SLC2A7: variants seen among roughly 807,000 people sequenced by gnomAD.
SLC2A7 encodes solute carrier family 2, facilitated glucose transporter member 7.
SLC2A7 carries 50 observed loss-of-function variants against 50.5 expected under a neutral mutation model. The ratio of observed to expected loss-of-function variants is 0.99; its 90% CI spans 0.79 to 1.25. The LOEUF (loss-of-function observed/expected upper bound fraction) is 1.25. Ranked by LOEUF, SLC2A7 falls within the 50% of genes most tolerant of loss-of-function variation. SLC2A7 has a pLI of 0.00. For synonymous variants in SLC2A7, 308 were observed against 300.4 expected (o/e 1.03, Z -0.26); for missense variants, 683 against 679.1 (o/e 1.01, Z -0.06).
the SLC2A7 span, among the ~76,000 whole-genome samples, chr1:8,994,927 C>T: frequency 4.0e-5 from 6 of 151,826 alleles, no homozygotes; most frequent in African/African-American, 7.2e-5. Flanking sequence ...CTCAACACCA[C>T]GCCCAGCTAT....
chr1:9,025,146 C>A, intron 1 of SLC2A7, 72 bp from the exon 2 acceptor site: 1 of 1,475,006 alleles, frequency 6.8e-7, no homozygotes, highest in South Asian at 1.2e-5. Context: ...TGGGCCTCCA[C>A]CTCCCTCCAG....
chr1:8,995,080 GATT>G, the SLC2A7 span, among the ~76,000 whole-genome samples: 34,129 of 150,720 alleles, frequency 0.23, 4,296 homozygotes, highest in African/African-American at 0.35. Flanking sequence ...CAGATCTCCT[GATT>G]ATTTTCAAGG....
intron 8 of SLC2A7, among the ~76,000 whole-genome samples, chr1:9,010,989 T>A (rs1209553607): frequency 6.6e-6 from 1 of 152,258 alleles, no homozygotes; most frequent in Non-Finnish European, 1.5e-5. Flanking sequence ...ACCCCAGGTC[T>A]TCCTTTGCTG....
Position 9,004,331 on chromosome 1 carries a change from TA to T in SLC2A7, c.1320+420del, listed in dbSNP as rs761127530. 3.8e-3 allele frequency among the ~76,000 whole-genome samples: 449 copies of T among 119,732 alleles called. 1 individual carries two copies. The highest frequency in any genetic ancestry group is 7.9e-3 in the Middle Eastern group (2 of 254). The allele number at this position is 119,732 out of a possible 152,430, so 78.5% of individuals were successfully genotyped here. ...CTGGGTGACAGAGCAAGGCCCTGTC[TA>T]AAAAAAAAAAAAAAAGACTGCTTAA... On this transcript the variant is annotated intron_variant, in intron 11 of 11. Coordinates refer to ENST00000400906, the MANE Select transcript of SLC2A7 (RefSeq NM_207420.3).
At chr1:9,014,580 C>T in intron 7 of SLC2A7, 101 bp downstream of exon 7, 1 of 1,410,316 alleles carries the variant, frequency 7.1e-7, no homozygotes, top group Non-Finnish European at 9.6e-7. Flanking sequence ...GATCCTGGCC[C>T]CACTGCCAGG....
chr1:9,007,512 C>A (rs957391067), intron 9 of SLC2A7, 127 bp from the exon 10 acceptor site: 14 of 800,004 alleles, frequency 1.7e-5, no homozygotes, highest in African/African-American at 5.2e-5. Flanking sequence ...CCTCCATGGA[C>A]CTTGAGGGCT....
chr1:9,001,705 AC>A (rs1640577568), downstream of SLC2A7, among the ~76,000 whole-genome samples: 2 of 152,132 alleles, frequency 1.3e-5, no homozygotes, highest in African/African-American at 2.4e-5. Context: ...GGTGTGAGTC[AC>A]CACGCCCGGC....
At chr1:9,023,208 C>T (rs534772194) in intron 2 of SLC2A7, 130 bp from the exon 3 acceptor site, 2 of 820,060 alleles carry the variant, frequency 2.4e-6, no homozygotes, top group Middle Eastern at 2.5e-4. Flanking sequence ...CACAGTTAAA[C>T]CCACTGATTC....
chr1:8,999,154 C>CT (rs1487552597), downstream of SLC2A7, among the ~76,000 whole-genome samples: 2 of 151,978 alleles, frequency 1.3e-5, no homozygotes, highest in Non-Finnish European at 2.9e-5. Context: ...TTATCTATTT[C>CT]TTTTTTGTTT....
At position 9,025,012 on chromosome 1, in the gene SLC2A7, G is replaced by A. The variant is rs759181164; in HGVS notation, c.114C>T (p.Tyr38=). ...LSAAFGSAFQ[Y]GYNLSVVNTP... ...TGTTGACCACAGAGAGGTTGTAGCC[G>A]TACTGGAAGGCTGAGCCAAAGGCCG... Residue 38 remains tyrosine (Y), a synonymous_variant, in exon 2 of 12, where the codon TAC becomes TAT. Transcript: ENST00000400906. The A allele has an allele frequency of 1.4e-5, 22 of 1,613,540 alleles. 1 individual carries two copies. Among genetic ancestry groups the A allele is most frequent in the Admixed American group, 1.0e-4 (6 of 60,012 alleles).
chr1:9,003,197 CA>C lies in SLC2A7; in HGVS notation c.*102del, dbSNP rs1347528523. The C allele has an allele frequency of 2.9e-6, 3 of 1,017,528 alleles. No homozygotes were observed. The highest frequency in any genetic ancestry group is 4.3e-6 in the Non-Finnish European group (3 of 692,402). 63.0% of individuals were successfully genotyped at this position (1,017,528 alleles called of 1,614,324 possible). A position where few individuals can be genotyped will look rare whatever the true frequency, so the allele number is the denominator to read the frequency against. On this transcript the variant is annotated 3_prime_UTR_variant, in exon 12 of 12. Transcript: ENST00000400906. ...TAATTAAGTTAAATGGGGGCAACGA[CA>C]AAAGCCTCCGTGCTATTATCCTCCC... is the stretch of plus-strand genomic sequence containing the variant.
rs758326877 is a variant in SLC2A7 at position 9,024,979 on chromosome 1, G to A, written c.147C>T (p.His49=). 1 of 1,614,018 alleles carries A rather than the reference G, an allele frequency of 6.2e-7. No homozygotes were observed. Among genetic ancestry groups the A allele is most frequent in the Non-Finnish European group, 8.5e-7 (1 of 1,179,966 alleles). The part of the protein sequence containing the change: ...GYNLSVVNTP[H]KVFKSFYNET... ...CTTGTGCCCACCTTGTGCCCACCTT[G>A]TGCGGCGTGTTGACCACAGAGAGGT... The change falls in exon 2 of 12, where the codon CAC becomes CAT. Residue 49 remains histidine (H), a synonymous_variant. Transcript: ENST00000400906.
At position 9,014,844 on chromosome 1, in the gene SLC2A7, G is replaced by T; in HGVS notation, c.740C>A (p.Thr247Lys). The part of the protein sequence containing the change: ...RQALRRLRGH[T>K]DMEAELEDMR... The stretch of plus-strand genomic sequence containing the variant: ...GTCCTCCAGCTCGGCCTCCATGTCC[G>T]TGTGGCCTCTCAGCCTCCTCAGAGC... The change falls in exon 7 of 12, where the codon ACG becomes AAG. Residue 247 changes from threonine (T) to lysine (K), a missense_variant. By Grantham distance (78) the Thr-to-Lys change is moderately conservative (BLOSUM62 -1). Transcript: ENST00000400906. The T allele has an allele frequency of 6.2e-7, 1 of 1,603,082 alleles. No individual in the cohort carries two copies.
chr1:8,997,678 A>G, the SLC2A7 span, among the ~76,000 whole-genome samples: 1 of 152,124 alleles, frequency 6.6e-6, no homozygotes, highest in Non-Finnish European at 1.5e-5. Context: ...GATTACAGGC[A>G]TGAGCCACGG....
rs138009661 is a variant in SLC2A7 at position 9,009,786 on chromosome 1, C to T, written c.1116+357G>A. Among the ~76,000 whole-genome samples, 13 of 152,350 alleles carry T rather than the reference C, an allele frequency of 8.5e-5. No individual in the cohort carries two copies. In the East Asian group the frequency reaches 2.5e-3, roughly 29 times the overall value. ...TTCTACCTCTCGAATGGGGTGACTTCTGGTCTTTCCTTAACCCACACCTGT... is the reference window on the plus strand; with the variant it reads ...TTCTACCTCTCGAATGGGGTGACTTTTGGTCTTTCCTTAACCCACACCTGT... On this transcript the variant is annotated intron_variant, in intron 9 of 11. Coordinates refer to ENST00000400906, the MANE Select transcript of SLC2A7 (RefSeq NM_207420.3).
intron 6 of SLC2A7, 118 bp from the exon 7 acceptor site, chr1:9,014,986 C>T: frequency 6.7e-7 from 1 of 1,502,370 alleles, no homozygotes; most frequent in Non-Finnish European, 8.9e-7. Flanking sequence ...GCCCCAGTTG[C>T]CACCCCCCCA....
intron 2 of SLC2A7, 101 bp from the exon 3 acceptor site, chr1:9,023,179 T>C (rs1450378020): frequency 7.9e-7 from 1 of 1,269,194 alleles, no homozygotes; most frequent in African/African-American, 1.5e-5. Context: ...GAGAGGTTTT[T>C]CTGCTAACAC....
At position 9,025,025 on chromosome 1, in the gene SLC2A7, G is replaced by A. The variant is rs1199363604; in HGVS notation, c.101C>T (p.Ser34Leu). 2.0e-5 allele frequency: 32 copies of A among 1,613,972 alleles called. No homozygotes were observed. Among genetic ancestry groups the A allele is most frequent in the Non-Finnish European group, 2.7e-5 (32 of 1,180,022 alleles). The change falls in exon 2 of 12, where the codon TCA becomes TTA. Residue 34 changes from serine (S) to leucine (L), a missense_variant. By Grantham distance (145) the Ser-to-Leu change is moderately radical. Transcript: ENST00000400906. ...LLATLSAAFGSAFQYGYNLSV... is the reference protein window; with the variant it reads ...LLATLSAAFGLAFQYGYNLSV... ...GAGGTTGTAGCCGTACTGGAAGGCT[G>A]AGCCAAAGGCCGCGCTCAGTGTCGC...
rs1468927401 is a variant in SLC2A7 at position 9,014,681 on chromosome 1, C to T, written c.903G>A (p.Ala301=). 28 of 1,554,510 alleles carry T rather than the reference C, an allele frequency of 1.8e-5. No individual in the cohort carries two copies. The highest frequency in any genetic ancestry group is 5.9e-5 in the Admixed American group (3 of 51,228). The change falls in exon 7 of 12, where the codon GCG becomes GCA. Residue 301 remains alanine (A), a splice_region_variant and synonymous_variant. Transcript: ENST00000400906. Reference sequence around the variant, plus strand: ...CCTGCCTGGCCACCGTCCCACATACCGCATTGATGCCCGACAGCTGCTGGC... The same window carrying T: ...CCTGCCTGGCCACCGTCCCACATACTGCATTGATGCCCGACAGCTGCTGGC... ...MAGQQLSGIN[A]INYYADTIYT...
Sources: gnomAD v4.1 joint callset for allele counts (sites outside exome capture counted in the v4.1 genomes callset) on GRCh38, gnomAD v4.1.1 for gene constraint, MANE v1.5 for transcripts, NCBI Gene and HGNC (gene_info 2026-07-23, HGNC 2026-07-21) for gene names.